The following GNB2 variants were observed in gnomAD, a reference collection of about 807,000 sequenced individuals.
The protein encoded by GNB2 is guanine nucleotide-binding protein G(I)/G(S)/G(T) subunit beta-2.
GNB2 carries 7 observed loss-of-function variants against 40.7 expected under a neutral mutation model. That is an observed-to-expected ratio of 0.17 (90% CI 0.10 to 0.32). The LOEUF is 0.32. Ranked by LOEUF, GNB2 falls within the 10% of genes least tolerant of loss-of-function variation. The probability of loss-of-function intolerance (pLI) is 1.00; values close to 1 mark genes in which losing one functional copy is unlikely to be tolerated. For synonymous variants in GNB2, 254 were observed against 191.2 expected, an observed-to-expected ratio of 1.33 and a Z score of -2.71; for missense variants, 286 against 473.0, an observed-to-expected ratio of 0.60 and a Z score of 3.67.
intron 1 of GNB2, among the ~76,000 whole-genome samples, chr7:100,674,527 C>A (rs1329991523): frequency 2.7e-5 from 4 of 150,316 alleles, no homozygotes; most frequent in African/African-American, 9.7e-5. Flanking sequence ...GCCCAGCTTT[C>A]TTTTAGGCAA....
rs761922447 is a variant in GNB2 at position 100,677,420 on chromosome 7, G to A, written c.267+5G>A. On this transcript the variant is annotated splice_donor_5th_base_variant and intron_variant, in intron 5 of 9. Transcript: ENST00000303210. ...GACAGCTACACCACCAACAAGGTAG[G>A]GTGGCGCGGGCTGCGGGGTGGGGCA... The A allele has an allele frequency of 5.6e-6, 9 of 1,613,596 alleles. No individual in the cohort carries two copies. The highest frequency in any genetic ancestry group is 7.6e-6 in the Non-Finnish European group (9 of 1,179,886).
In GNB2 at chr7:100,678,009, G is replaced by A. The variant is rs1584479603; in HGVS notation, c.498-89G>A. Reference sequence around the variant, plus strand: ...AGAGCCTCCCTGGACCCTTCCACAGGGTTGGGCTCACGTGGTGGGGCGGGG... The same window carrying A: ...AGAGCCTCCCTGGACCCTTCCACAGAGTTGGGCTCACGTGGTGGGGCGGGG... On this transcript the variant is annotated intron_variant, in intron 7 of 9. Transcript: ENST00000303210. The A allele has an allele frequency of 1.8e-5, 21 of 1,195,326 alleles. No homozygotes were observed. The East Asian group carries it at 4.7e-4, about 27-fold the overall frequency. 74.0% of individuals were successfully genotyped at this position (1,195,326 alleles called of 1,614,324 possible).
At chr7:100,676,829 G>A in intron 4 of GNB2, 30 bp downstream of exon 4, 1 of 1,332,204 alleles carries the variant, frequency 7.5e-7, no homozygotes, top group Non-Finnish European at 1.0e-6. Context: ...CTGGCGCTGT[G>A]GGCCGACTTT....
Position 100,673,844 on chromosome 7 carries a change from GCCGCCGCCT to G in GNB2, c.-161_-153del, listed in dbSNP as rs1804294169. 5.3e-6 allele frequency: 1 copy of G among 190,396 alleles called. No individual in the cohort carries two copies. The highest frequency in any genetic ancestry group is 1.0e-5 in the Non-Finnish European group (1 of 97,506). The allele number at this position is 190,396 out of a possible 1,614,324, so 11.8% of individuals were successfully genotyped here. A position where few individuals can be genotyped will look rare whatever the true frequency, so the allele number is the denominator to read the frequency against. ...CGCCGCCGCCGCCGCCGCCGCCGCC[GCCGCCGCCT>G]CCGCCGCGGAGGAAGACAGCGCCGC... On this transcript the variant is annotated 5_prime_UTR_variant, in exon 1 of 10. Coordinates refer to ENST00000303210, the MANE Select transcript of GNB2 (RefSeq NM_005273.4).
rs1804294128 is a variant in GNB2, at chr7:100,673,844, G to GCCGCCGCCGCCGCCGCCGCCT, written c.-161_-160insGCCGCCGCCGCCTCCGCCGCC. The GCCGCCGCCGCCGCCGCCGCCT allele has an allele frequency of 1.6e-5, 3 of 190,400 alleles. No individual in the cohort carries two copies. The highest frequency in any genetic ancestry group is 3.1e-5 in the Non-Finnish European group (3 of 97,504). 11.8% of individuals were successfully genotyped at this position (190,400 alleles called of 1,614,324 possible). On this transcript the variant is annotated 5_prime_UTR_variant, in exon 1 of 10. Transcript: ENST00000303210. ...CGCCGCCGCCGCCGCCGCCGCCGCC[G>GCCGCCGCCGCCGCCGCCGCCT]CCGCCGCCTCCGCCGCGGAGGAAGA...
intron 4 of GNB2, 116 bp downstream of exon 4, chr7:100,676,915 A>T: frequency 1.5e-6 from 1 of 646,006 alleles, no homozygotes; most frequent in South Asian, 1.9e-5. Context: ...CGTCTGGAAA[A>T]ACGGTGACTC....
At chr7:100,676,421 C>T in intron 2 of GNB2, 99 bp downstream of exon 2, 1 of 1,271,604 alleles carries the variant, frequency 7.9e-7, no homozygotes, top group Admixed American at 1.7e-5. Flanking sequence ...GGAGGGAGGG[C>T]CCCTTAATGG....
At chr7:100,677,327 C>T (rs1804372108) in intron 4 of GNB2, 25 bp from the exon 5 acceptor site, 2 of 1,602,452 alleles carry the variant, frequency 1.2e-6, no homozygotes, top group Non-Finnish European at 1.7e-6. Flanking sequence ...CACCCTTCTG[C>T]TCTCCCTACA....
intron 1 of GNB2, 69 bp from the exon 2 acceptor site, chr7:100,676,108 G>C (rs1314976622): frequency 3.7e-6 from 2 of 539,102 alleles, no homozygotes; most frequent in Non-Finnish European, 6.5e-6. Flanking sequence ...TCCGGGCCGC[G>C]CTGCAACCCC....
chr7:100,676,823 C>T (rs901246361), intron 4 of GNB2, 24 bp downstream of exon 4: 49 of 1,363,666 alleles, frequency 3.6e-5, no homozygotes, highest in Non-Finnish European at 4.4e-5. Context: ...CGCGGGCTGG[C>T]GCTGTGGGCC....
chr7:100,676,435 A>C (rs550232688), intron 2 of GNB2, 100 bp from the exon 3 acceptor site: 3 of 1,321,198 alleles, frequency 2.3e-6, no homozygotes, highest in Middle Eastern at 1.8e-4. Flanking sequence ...TTAATGGCTC[A>C]GAATCTGACC....
In GNB2 at chr7:100,678,388, T is replaced by C. The variant is rs1251567408; in HGVS notation, c.700-10T>C. ...TCACCCTCACCCCATCTGGGTCCCGTGTCCTGCAGTTCTTCCCCAACGGCT... is the reference window on the plus strand; with the variant it reads ...TCACCCTCACCCCATCTGGGTCCCGCGTCCTGCAGTTCTTCCCCAACGGCT... On this transcript the variant is annotated splice_polypyrimidine_tract_variant and intron_variant, in intron 8 of 9. Coordinates refer to ENST00000303210, the MANE Select transcript of GNB2 (RefSeq NM_005273.4). 1 of 1,611,064 alleles carries C rather than the reference T, an allele frequency of 6.2e-7. No individual in the cohort carries two copies. Among genetic ancestry groups the C allele is most frequent in the Non-Finnish European group, 8.5e-7 (1 of 1,178,198 alleles).
Position 100,676,250 on chromosome 7 carries a change from C to T in GNB2, c.-16C>T, listed in dbSNP as rs11558714. The T allele has an allele frequency of 6.3e-7, 1 of 1,587,858 alleles. No individual in the cohort carries two copies. Among genetic ancestry groups the T allele is most frequent in the Non-Finnish European group, 8.6e-7 (1 of 1,166,226 alleles). On this transcript the variant is annotated 5_prime_UTR_variant, in exon 2 of 10. Coordinates refer to ENST00000303210, the MANE Select transcript of GNB2 (RefSeq NM_005273.4). The stretch of plus-strand genomic sequence containing the variant: ...GCCCCCAGCCGCCCCCAACCCTGCC[C>T]CACGGGCCCGGCGCCATGAGTGAGC...
rs1478591077 is a variant in GNB2, at chr7:100,678,441, C to T, written c.743C>T (p.Ala248Val). The part of the protein sequence containing the change: ...GYAFTTGSDD[A>V]TCRLFDLRAD... Reference sequence around the variant, plus strand: ...GCCTTCACCACCGGCTCTGACGACGCCACGTGCCGCCTCTTCGACCTGCGG... The same window carrying T: ...GCCTTCACCACCGGCTCTGACGACGTCACGTGCCGCCTCTTCGACCTGCGG... The change falls in exon 9 of 10, where the codon GCC becomes GTC. Residue 248 changes from alanine (A) to valine (V), a missense_variant. Ala to Val is a moderately conservative substitution (Grantham distance 64). Transcript: ENST00000303210. 9 of 1,613,748 alleles carry T rather than the reference C, an allele frequency of 5.6e-6. No homozygotes were observed. Among genetic ancestry groups the T allele is most frequent in the Non-Finnish European group, 6.8e-6 (8 of 1,180,012 alleles).
chr7:100,676,836 C>T, intron 4 of GNB2, 37 bp downstream of exon 4: 1 of 1,247,004 alleles, frequency 8.0e-7, no homozygotes, highest in African/African-American at 1.5e-5. Context: ...TGTGGGCCGA[C>T]TTTCTAGCAG....
intron 4 of GNB2, 138 bp from the exon 5 acceptor site, chr7:100,677,214 C>G: frequency 1.5e-6 from 1 of 669,356 alleles, no homozygotes; most frequent in African/African-American, 1.8e-5. Context: ...GAGTTCCAGG[C>G]TGCAGTGAGC....
At chr7:100,677,952 G>A (rs1804391678) in intron 7 of GNB2, 134 bp downstream of exon 7, 2 of 999,946 alleles carry the variant, frequency 2.0e-6, no homozygotes, top group East Asian at 2.5e-5. Flanking sequence ...GTCAGGGAGG[G>A]ATGCGTCCCC....
chr7:100,678,658 C>G, intron 9 of GNB2, 37 bp from the exon 10 acceptor site: 1 of 1,608,380 alleles, frequency 6.2e-7, no homozygotes, highest in Non-Finnish European at 8.5e-7. Flanking sequence ...ACCTGGAGCC[C>G]AGGCCCAATG....
chr7:100,677,572 T>G lies in GNB2; in HGVS notation c.342T>G (p.Cys114Trp). 1.2e-6 allele frequency: 2 copies of G among 1,613,254 alleles called. No homozygotes were observed. The highest frequency in any genetic ancestry group is 1.7e-6 in the Non-Finnish European group (2 of 1,179,896). ...AYAPSGNFVA[C>W]GGLDNICSIY... ...CGCCCTCAGGGAACTTTGTGGCCTG[T>G]GGGGGGTTGGACAACATCTGCTCCA... is the stretch of plus-strand genomic sequence containing the variant. The change falls in exon 6 of 10, where the codon TGT (cysteine) becomes TGG (tryptophan). Residue 114 changes from cysteine (C) to tryptophan (W), a missense_variant. Physicochemically the swap from Cys to Trp is radical, Grantham distance 215. Coordinates refer to ENST00000303210, the MANE Select transcript of GNB2 (RefSeq NM_005273.4).
Sources: gnomAD v4.1 joint callset for allele counts (sites outside exome capture counted in the v4.1 genomes callset) on GRCh38, gnomAD v4.1.1 for gene constraint, MANE v1.5 for transcripts, NCBI Gene and HGNC (gene_info 2026-07-23, HGNC 2026-07-21) for gene names.